Variants in GALNT18 observed in about 807,000 individuals in gnomAD.
The protein encoded by GALNT18 is GalNAc-transferase 18.
GALNT18 carries 44 observed loss-of-function variants against 69.5 expected under a neutral mutation model. That is an observed-to-expected ratio of 0.63 (90% CI 0.50 to 0.81). GALNT18 has a LOEUF of 0.81. Among genes scored for constraint, GALNT18 ranks in the 40% least tolerant of loss-of-function variants. GALNT18 has a pLI of 0.00. For missense variants in GALNT18, 715 were observed against 810.0 expected (o/e 0.88, Z 1.42); for synonymous variants, 364 against 318.2 (o/e 1.14, Z -1.53).
intron 1 of GALNT18, chr11:11,475,394 G>T (rs1399331263): frequency 2.0e-5 from 3 of 152,124 alleles, no homozygotes; most frequent in African/African-American, 7.2e-5. Flanking sequence ...TCACAGGTAG[G>T]TGCTCAGTGG....
intron 10 of GALNT18, among the ~76,000 whole-genome samples, chr11:11,282,324 G>A (rs117182743): frequency 0.013 from 1,974 of 152,290 alleles, 17 homozygotes; most frequent in Non-Finnish European, 0.019. Flanking sequence ...TTCTGCAGCT[G>A]AGATGAGAGG....
In GALNT18 at chr11:11,353,022, C is replaced by T. The variant is rs766027302; in HGVS notation, c.1093-12018G>A. 10 of 1,614,096 alleles carry T rather than the reference C, an allele frequency of 6.2e-6. No homozygotes were observed. In the East Asian group the frequency reaches 2.0e-4, roughly 32 times the overall value. ...CAGCTGGTAGTCATCTTGATTTCCCCATTCCACCACATGTGACTCGTAATC... is the reference window on the plus strand; with the variant it reads ...CAGCTGGTAGTCATCTTGATTTCCCTATTCCACCACATGTGACTCGTAATC... On this transcript the variant is annotated intron_variant, in intron 6 of 10. Coordinates refer to ENST00000227756, the MANE Select transcript of GALNT18 (RefSeq NM_198516.3).
chr11:11,460,636 G>A (rs1856019188), intron 1 of GALNT18, among the ~76,000 whole-genome samples: 1 of 152,130 alleles, frequency 6.6e-6, no homozygotes, highest in South Asian at 2.1e-4. Flanking sequence ...CCTAGCTGGT[G>A]CAAAGCAGGG....
At chr11:11,326,319 C>T (rs994245221) in intron 9 of GALNT18, among the ~76,000 whole-genome samples, 3 of 152,156 alleles carry the variant, frequency 2.0e-5, no homozygotes, top group Admixed American at 2.0e-4. Flanking sequence ...GCTGAGATTA[C>T]AGGTGTGAGC....
intron 5 of GALNT18, among the ~76,000 whole-genome samples, chr11:11,374,478 G>A (rs1207761265): frequency 2.0e-5 from 3 of 152,212 alleles, no homozygotes; most frequent in African/African-American, 7.2e-5. Flanking sequence ...GCAGAGTGGG[G>A]CCTTGGCATT....
At position 11,583,319 on chromosome 11, in the gene GALNT18, CT is replaced by C. The variant is rs1859130662; in HGVS notation, c.235+38039del. 6.6e-6 allele frequency among the ~76,000 whole-genome samples: 1 copy of C among 152,204 alleles called. No homozygotes were observed. On this transcript the variant is annotated intron_variant, in intron 1 of 10. Transcript: ENST00000227756. This position sits in a 1 kb window ranked among gnomAD's most constrained non-coding sequence, Gnocchi z 4.7. Reference sequence around the variant, plus strand: ...TAGCCCTCTGTGTGCACACTTATATCTCATAATGGATGGTGACCTATCAGAT... The same window carrying C: ...TAGCCCTCTGTGTGCACACTTATATCCATAATGGATGGTGACCTATCAGAT...
intron 1 of GALNT18, among the ~76,000 whole-genome samples, chr11:11,488,229 A>G (rs1160372607): frequency 6.6e-6 from 1 of 152,190 alleles, no homozygotes; most frequent in Non-Finnish European, 1.5e-5. Flanking sequence ...GCTAAAATCA[A>G]AGGGTCAGCA....
chr11:11,571,685 A>T (rs1209999685), intron 1 of GALNT18, among the ~76,000 whole-genome samples: 1 of 152,214 alleles, frequency 6.6e-6, no homozygotes, highest in East Asian at 1.9e-4. Context: ...TTGACAAAGG[A>T]TGTTTCAATC....
chr11:11,480,521 C>T lies in GALNT18; in HGVS notation c.236-31585G>A, dbSNP rs897644760. Among the ~76,000 whole-genome samples, 22 of 144,252 alleles carry T rather than the reference C, an allele frequency of 1.5e-4. No individual in the cohort carries two copies. Among genetic ancestry groups the T allele is most frequent in the Admixed American group, 6.5e-4 (9 of 13,950 alleles). 94.6% of individuals were successfully genotyped at this position (144,252 alleles called of 152,430 possible). A position where few individuals can be genotyped will look rare whatever the true frequency, so the allele number is the denominator to read the frequency against. On this transcript the variant is annotated intron_variant, in intron 1 of 10. Coordinates refer to ENST00000227756, the MANE Select transcript of GALNT18 (RefSeq NM_198516.3). The surrounding 1 kb of genome is among the most constrained non-coding windows in gnomAD (Gnocchi z 4.6). ...AGTGGTCCATGAAGCACGTTGTGAA[C>T]GTATCAGACACTCTGCTTCTAGTGT...
At chr11:11,434,115 T>C (rs918663033) in intron 2 of GALNT18, among the ~76,000 whole-genome samples, 5 of 152,110 alleles carry the variant, frequency 3.3e-5, no homozygotes, top group Admixed American at 3.3e-4. Flanking sequence ...GAAATCACCA[T>C]GGGGCCCCAG....
At chr11:11,352,303 A>G in intron 6 of GALNT18, 7 of 1,614,134 alleles carry the variant, frequency 4.3e-6, no homozygotes, top group Non-Finnish European at 5.9e-6. Context: ...TGTCTGCCCA[A>G]GATATCATTG....
intron 3 of GALNT18, among the ~76,000 whole-genome samples, chr11:11,424,165 C>G (rs772987458): frequency 2.0e-5 from 3 of 152,206 alleles, no homozygotes; most frequent in Admixed American, 6.5e-5. Context: ...CACCTGCACC[C>G]AAGAAAGGAC....
At chr11:11,517,445 G>T (rs980016856) in intron 1 of GALNT18, among the ~76,000 whole-genome samples, 13 of 152,070 alleles carry the variant, frequency 8.5e-5, no homozygotes, top group African/African-American at 2.9e-4. Flanking sequence ...ATAAAGAGGG[G>T]GAAGAAAGAG....
Position 11,605,452 on chromosome 11 carries a change from C to A in GALNT18, c.235+15907G>T, listed in dbSNP as rs1435786647. Among the ~76,000 whole-genome samples, 2 of 152,212 alleles carry A rather than the reference C, an allele frequency of 1.3e-5. No homozygotes were observed. The highest frequency in any genetic ancestry group is 1.5e-5 in the Non-Finnish European group (1 of 68,036). On this transcript the variant is annotated intron_variant, in intron 1 of 10. Transcript: ENST00000227756. This position sits in a 1 kb window ranked among gnomAD's most constrained non-coding sequence, Gnocchi z 4.7. The stretch of plus-strand genomic sequence containing the variant: ...TAACTTGCCAGGCCGCCAGTCACCG[C>A]CACCCTGAAGACACAGGTGGTGGAG...
In GALNT18 at chr11:11,377,252, C is replaced by G. The variant is rs745634909; in HGVS notation, c.907G>C (p.Glu303Gln). 12 of 1,613,946 alleles carry G rather than the reference C, an allele frequency of 7.4e-6. No homozygotes were observed. Among genetic ancestry groups the G allele is most frequent in the Non-Finnish European group, 9.3e-6 (11 of 1,180,000 alleles). The change falls in exon 5 of 11, where the codon GAG (glutamate) becomes CAG (glutamine). Residue 303 changes from glutamate to glutamine, a missense_variant. Glu to Gln is a conservative substitution (Grantham distance 29, BLOSUM62 2). Coordinates refer to ENST00000227756, the MANE Select transcript of GALNT18 (RefSeq NM_198516.3). The surrounding 1 kb of genome is among the most constrained non-coding windows in gnomAD (Gnocchi z 4.6). ...YPLAAQGFDWELWCRYLNPPK... is the reference protein window; with the variant it reads ...YPLAAQGFDWQLWCRYLNPPK... ...GGATTTAGGTAGCGGCACCACAGCTCCCAGTCAAAGCCCTGGGCAGCCAGC... is the reference window on the plus strand; with the variant it reads ...GGATTTAGGTAGCGGCACCACAGCTGCCAGTCAAAGCCCTGGGCAGCCAGC...
intron 9 of GALNT18, among the ~76,000 whole-genome samples, chr11:11,298,085 C>G (rs1192031511): frequency 1.3e-5 from 2 of 152,208 alleles, no homozygotes; most frequent in African/African-American, 2.4e-5. Flanking sequence ...GTAACGTCCC[C>G]CAGGGCCGGA....
chr11:11,271,480 G>A (rs1419610516), intron 10 of GALNT18, among the ~76,000 whole-genome samples, 190 bp from the exon 11 acceptor site: 1 of 152,142 alleles, frequency 6.6e-6, no homozygotes, highest in Admixed American at 6.5e-5. Context: ...GACTGAATAT[G>A]TGCCACAGCT....
chr11:11,619,477 T>A lies in GALNT18; in HGVS notation c.235+1882A>T, dbSNP rs7358384. ...TGACATGGTCCACATTCCACATGAC[T>A]GGCACCCACTCCGTTACAGGCTCAG... On this transcript the variant is annotated intron_variant, in intron 1 of 10. Transcript: ENST00000227756. This position sits in a 1 kb window ranked among gnomAD's most constrained non-coding sequence, Gnocchi z 4.9. Among the ~76,000 whole-genome samples, 50,091 of 151,988 alleles carry A rather than the reference T, an allele frequency of 0.33. 8,434 individuals are homozygous for A. The highest frequency in any genetic ancestry group is 0.38 in the Non-Finnish European group (25,959 of 67,948).
At position 11,394,161 on chromosome 11, in the gene GALNT18, G is replaced by A. The variant is rs182145455; in HGVS notation, c.596-14897C>T. 3.2e-4 allele frequency among the ~76,000 whole-genome samples: 48 copies of A among 152,330 alleles called. 1 individual carries two copies. Among genetic ancestry groups the A allele is most frequent in the African/African-American group, 8.9e-4 (37 of 41,574 alleles). On this transcript the variant is annotated intron_variant, in intron 3 of 10. Coordinates refer to ENST00000227756, the MANE Select transcript of GALNT18 (RefSeq NM_198516.3). ...AGCGCAGGATGTGACAACCTCTGCA[G>A]GGGATTCAGGGCAAGTTTTACAGAA...
Sources: allele counts gnomAD v4.1 joint callset (sites outside exome capture counted in the v4.1 genomes callset), GRCh38; gene constraint gnomAD v4.1.1; non-coding constraint Gnocchi (gnomAD v3.1); transcripts MANE v1.5; gene names NCBI Gene and HGNC (gene_info 2026-07-23, HGNC 2026-07-21).